The following ERC2 variants were observed in gnomAD, a reference collection of about 807,000 sequenced individuals.
ERC2 encodes ERC protein 2.
In ERC2, 42 loss-of-function variants were observed where a neutral mutation model predicts 114.8. The ratio of observed to expected loss-of-function variants is 0.37; its 90% CI spans 0.29 to 0.47. The LOEUF (loss-of-function observed/expected upper bound fraction) is 0.47. Among genes scored for constraint, ERC2 ranks in the 20% least tolerant of loss-of-function variants. ERC2 has a pLI of 0.99. For synonymous variants in ERC2, 454 were observed against 425.5 expected, an observed-to-expected ratio of 1.07 and a Z score of -0.82; for missense variants, 939 against 1,150.7, an observed-to-expected ratio of 0.82 and a Z score of 2.66.
intron 15 of ERC2, among the ~76,000 whole-genome samples, chr3:55,704,036 G>C (rs2063359302): frequency 6.6e-6 from 1 of 152,206 alleles, no homozygotes. Flanking sequence ...GTTTGGGGGA[G>C]CAGGAGCCTT....
At chr3:56,273,030 C>G (rs1272870957) in intron 3 of ERC2, among the ~76,000 whole-genome samples, 1 of 152,164 alleles carries the variant, frequency 6.6e-6, no homozygotes, top group African/African-American at 2.4e-5. Flanking sequence ...GATCTTCAAC[C>G]AATCACAGCT....
intron 17 of ERC2, among the ~76,000 whole-genome samples, chr3:55,664,920 G>A (rs932493926): frequency 1.3e-5 from 2 of 152,172 alleles, no homozygotes; most frequent in African/African-American, 4.8e-5. Flanking sequence ...ATGAGGCCTT[G>A]TTAACAGACA....
At chr3:56,101,651 G>A (rs1244261174) in intron 6 of ERC2, among the ~76,000 whole-genome samples, 1 of 152,180 alleles carries the variant, frequency 6.6e-6, no homozygotes, top group Non-Finnish European at 1.5e-5. Context: ...CCTGAAAAAT[G>A]TAAGTGGCAG....
At chr3:55,977,293 T>C (rs2069668454) in intron 12 of ERC2, among the ~76,000 whole-genome samples, 1 of 152,286 alleles carries the variant, frequency 6.6e-6, no homozygotes, top group Non-Finnish European at 1.5e-5. Flanking sequence ...TGAATACATT[T>C]GACTATGTAA....
At chr3:56,327,821 C>G (rs1261570003) in intron 2 of ERC2, among the ~76,000 whole-genome samples, 1 of 152,174 alleles carries the variant, frequency 6.6e-6, no homozygotes, top group Non-Finnish European at 1.5e-5. Flanking sequence ...TATGATGAAA[C>G]TGAGTCATCC....
chr3:56,421,784 C>T (rs1283096856), intron 2 of ERC2, among the ~76,000 whole-genome samples: 1 of 152,172 alleles, frequency 6.6e-6, no homozygotes, highest in Non-Finnish European at 1.5e-5. Flanking sequence ...CCTACTTACC[C>T]TTAATGTCTA....
At chr3:55,720,607 G>A (rs1004053047) in intron 15 of ERC2, among the ~76,000 whole-genome samples, 1 of 152,022 alleles carries the variant, frequency 6.6e-6, no homozygotes, top group Non-Finnish European at 1.5e-5. Context: ...TGAAGACAAT[G>A]TTTGCTCATT....
chr3:55,644,127 T>C (rs2060299510), intron 17 of ERC2, among the ~76,000 whole-genome samples: 1 of 152,190 alleles, frequency 6.6e-6, no homozygotes, highest in African/African-American at 2.4e-5. Flanking sequence ...AGAGCATCAA[T>C]GAGCTGTCAA....
chr3:55,526,139 G>T (rs1337548928), intron 17 of ERC2, among the ~76,000 whole-genome samples: 1 of 152,094 alleles, frequency 6.6e-6, no homozygotes, highest in African/African-American at 2.4e-5. Context: ...TATAAACCAA[G>T]GAATGCCAAG....
chr3:55,586,005 G>A (rs751357594), intron 17 of ERC2, among the ~76,000 whole-genome samples: 2 of 152,218 alleles, frequency 1.3e-5, no homozygotes. Flanking sequence ...GCTCCAGGAA[G>A]CTCTGGAAAG....
At chr3:56,182,974 A>G (rs535990670) in intron 3 of ERC2, among the ~76,000 whole-genome samples, 62 of 152,322 alleles carry the variant, frequency 4.1e-4, no homozygotes, top group African/African-American at 1.2e-3. Flanking sequence ...AAAAACCACA[A>G]TTACTTTCAA....
chr3:55,608,265 G>A (rs1177305356), intron 17 of ERC2, among the ~76,000 whole-genome samples: 1 of 152,196 alleles, frequency 6.6e-6, no homozygotes, highest in African/African-American at 2.4e-5. Context: ...AGAGCAAGCG[G>A]CGTTTTTAGA....
chr3:55,958,545 C>T (rs1249835074), intron 12 of ERC2, among the ~76,000 whole-genome samples: 2 of 152,198 alleles, frequency 1.3e-5, no homozygotes, highest in Non-Finnish European at 2.9e-5. Flanking sequence ...CTGCCTCCCA[C>T]TGCCATCAAC....
At chr3:56,225,365 A>T (rs994958165) in intron 3 of ERC2, among the ~76,000 whole-genome samples, 9 of 152,208 alleles carry the variant, frequency 5.9e-5, no homozygotes, top group African/African-American at 2.2e-4. Flanking sequence ...AGACAAGGTT[A>T]CACTGAGACC....
At chr3:56,269,346 A>G (rs187583767) in intron 3 of ERC2, among the ~76,000 whole-genome samples, 6 of 152,350 alleles carry the variant, frequency 3.9e-5, no homozygotes, top group Non-Finnish European at 5.9e-5. Flanking sequence ...CACTGGCACC[A>G]CAACTATCTA....
intron 2 of ERC2, among the ~76,000 whole-genome samples, chr3:56,333,047 T>G (rs563749419): frequency 6.6e-6 from 1 of 152,382 alleles, no homozygotes; most frequent in South Asian, 2.1e-4. Flanking sequence ...GCCAGAGCTT[T>G]TTCCAATATG....
chr3:55,720,992 T>C (rs2064515677), intron 15 of ERC2, among the ~76,000 whole-genome samples: 1 of 152,238 alleles, frequency 6.6e-6, no homozygotes, highest in Non-Finnish European at 1.5e-5. Context: ...GGAAGGTAAG[T>C]TGACCTGCTC....
At chr3:55,769,303 G>A (rs1412922411) in intron 14 of ERC2, among the ~76,000 whole-genome samples, 2 of 151,970 alleles carry the variant, frequency 1.3e-5, no homozygotes, top group Non-Finnish European at 2.9e-5. Context: ...GGCAGTTTGG[G>A]AGCTGATAGT....
chr3:55,611,267 G>A (rs2058897547), intron 17 of ERC2, among the ~76,000 whole-genome samples: 1 of 152,202 alleles, frequency 6.6e-6, no homozygotes, highest in Non-Finnish European at 1.5e-5. Context: ...TTTAAGCATT[G>A]TTAGGCTGGG....
Sources: allele counts gnomAD v4.1 joint callset (sites outside exome capture counted in the v4.1 genomes callset), GRCh38; gene constraint gnomAD v4.1.1; transcripts MANE v1.5; gene names NCBI Gene and HGNC (gene_info 2026-07-23, HGNC 2026-07-21).